Variants in AGBL4 observed in about 807,000 individuals in gnomAD.
AGBL4 encodes the protein cytosolic carboxypeptidase 6.
AGBL4 carries 58 observed loss-of-function variants against 66.4 expected under a neutral mutation model. That is an observed-to-expected ratio of 0.87 (90% CI 0.71 to 1.09). The LOEUF is 1.09. Among genes scored for constraint, AGBL4 ranks in the 50% least tolerant of loss-of-function variants. The pLI, the probability that AGBL4 is intolerant of heterozygous loss-of-function variation, is 0.00. For missense variants in AGBL4, 579 were observed against 631.0 expected (o/e 0.92, Z 0.88); for synonymous variants, 234 against 222.9 (o/e 1.05, Z -0.44).
intron 1 of AGBL4, among the ~76,000 whole-genome samples, chr1:50,013,869 C>A (rs1053574367): frequency 6.6e-6 from 1 of 152,306 alleles, no homozygotes; most frequent in African/African-American, 2.4e-5. Flanking sequence ...TTAGTGAAGA[C>A]AGTTTCTCCT....
chr1:48,895,294 A>G (rs1570944004), intron 5 of AGBL4, among the ~76,000 whole-genome samples: 1 of 152,246 alleles, frequency 6.6e-6, no homozygotes. Context: ...ACCGTCAGGC[A>G]TGGGCCAGCC....
chr1:49,000,418 G>A (rs1487763616), intron 5 of AGBL4, among the ~76,000 whole-genome samples: 1 of 152,150 alleles, frequency 6.6e-6, no homozygotes, highest in Non-Finnish European at 1.5e-5. Flanking sequence ...GGAAGATGAG[G>A]ATACAACCTT....
intron 1 of AGBL4, among the ~76,000 whole-genome samples, chr1:49,950,028 G>A (rs1447137507): frequency 1.4e-5 from 2 of 139,026 alleles, no homozygotes; most frequent in Admixed American, 7.2e-5. Flanking sequence ...ATATGTGTGT[G>A]TGTGTATATA....
At chr1:48,848,704 T>C (rs1362821192) in intron 6 of AGBL4, among the ~76,000 whole-genome samples, 1 of 152,210 alleles carries the variant, frequency 6.6e-6, no homozygotes, top group Non-Finnish European at 1.5e-5. Flanking sequence ...AATCCTGCAT[T>C]CTTTGGGCAC....
chr1:49,845,186 T>C (rs1646106167), intron 2 of AGBL4: 6 of 1,432,824 alleles, frequency 4.2e-6, no homozygotes, highest in Middle Eastern at 3.5e-4. Flanking sequence ...GGAAAAGTCT[T>C]CCGAAACAGC....
chr1:48,586,634 C>G (rs898271984), intron 11 of AGBL4: 2 of 245,200 alleles, frequency 8.2e-6, no homozygotes, highest in Non-Finnish European at 1.6e-5. Context: ...TCAAGATCAT[C>G]AAGCTCTTCC....
intron 3 of AGBL4, among the ~76,000 whole-genome samples, chr1:49,353,924 C>T (rs1293497982): frequency 6.6e-6 from 1 of 152,122 alleles, no homozygotes; most frequent in African/African-American, 2.4e-5. Context: ...TGAGAGCCAC[C>T]TCCATCACTC....
chr1:49,483,551 G>C (rs1415336081), intron 3 of AGBL4, among the ~76,000 whole-genome samples: 1 of 151,620 alleles, frequency 6.6e-6, no homozygotes, highest in East Asian at 1.9e-4. Context: ...TATCCATATG[G>C]AAAAGAAGAA....
rs150194018 is a variant in AGBL4, at chr1:49,567,220, A to C, written c.282+130093T>G. Among the ~76,000 whole-genome samples the C allele has an allele frequency of 8.0e-3, 1,220 of 152,322 alleles. 9 individuals are homozygous for C. Among genetic ancestry groups the C allele is most frequent in the Middle Eastern group, 0.031 (9 of 294 alleles). On this transcript the variant is annotated intron_variant, in intron 3 of 13. Coordinates refer to ENST00000371839, the MANE Select transcript of AGBL4 (RefSeq NM_032785.4). ...CTGTCACCCCTTTCTTTGACTAGGAAAGGGAATTCCCTGACCCCTTGCACT... is the reference window on the plus strand; with the variant it reads ...CTGTCACCCCTTTCTTTGACTAGGACAGGGAATTCCCTGACCCCTTGCACT...
At chr1:49,618,001 C>T (rs947097977) in intron 3 of AGBL4, among the ~76,000 whole-genome samples, 9 of 152,304 alleles carry the variant, frequency 5.9e-5, no homozygotes, top group Admixed American at 5.2e-4. Context: ...CTATCCCTCC[C>T]CCAGCCTCCC....
rs1644057305 is a variant in AGBL4 at position 49,271,516 on chromosome 1, G to GCACACACACACACACACAAA, written c.283-25653_283-25652insTTTGTGTGTGTGTGTGTGTG. ...TCAAAGTCAACTCAATTAAAAGATA[G>GCACACACACACACACACAAA]CACACACACACACACACACACACAC... On this transcript the variant is annotated intron_variant, in intron 3 of 13. Coordinates refer to ENST00000371839, the MANE Select transcript of AGBL4 (RefSeq NM_032785.4). Among the ~76,000 whole-genome samples the GCACACACACACACACACAAA allele has an allele frequency of 2.1e-5, 3 of 144,298 alleles. No homozygotes were observed. In the South Asian group the frequency reaches 6.8e-4, roughly 33 times the overall value. 94.7% of individuals were successfully genotyped at this position (144,298 alleles called of 152,430 possible).
At chr1:49,790,380 A>AG (rs1557449385) in intron 2 of AGBL4, among the ~76,000 whole-genome samples, 3 of 151,596 alleles carry the variant, frequency 2.0e-5, no homozygotes, top group African/African-American at 7.3e-5. Context: ...AAAAAAAAAA[A>AG]AAGAAGCTCA....
chr1:49,827,514 T>A (rs1409873687), intron 2 of AGBL4, among the ~76,000 whole-genome samples: 1 of 152,140 alleles, frequency 6.6e-6, no homozygotes, highest in African/African-American at 2.4e-5. Context: ...CACAATCGGA[T>A]AGTTTAAAAT....
chr1:48,927,018 C>G (rs182647889), intron 5 of AGBL4, among the ~76,000 whole-genome samples: 99 of 152,026 alleles, frequency 6.5e-4, no homozygotes, highest in South Asian at 2.1e-3. Context: ...TGATTTTTTT[C>G]CTTTATTACC....
In AGBL4 at chr1:49,656,145, T is replaced by C. The variant is rs890085285; in HGVS notation, c.282+41168A>G. ...CTGGGCGACAGAGTGAGACTCCGTCTCAAAAAAAAAAAAAATGATAAAGGG... is the reference window on the plus strand; with the variant it reads ...CTGGGCGACAGAGTGAGACTCCGTCCCAAAAAAAAAAAAAATGATAAAGGG... On this transcript the variant is annotated intron_variant, in intron 3 of 13. Transcript: ENST00000371839. Among the ~76,000 whole-genome samples the C allele has an allele frequency of 1.3e-4, 18 of 142,924 alleles. No homozygotes were observed. The East Asian group carries it at 3.7e-3, about 29-fold the overall frequency. 93.8% of individuals were successfully genotyped at this position (142,924 alleles called of 152,430 possible).
At chr1:48,946,396 C>A (rs375168812) in intron 5 of AGBL4, among the ~76,000 whole-genome samples, 1 of 152,190 alleles carries the variant, frequency 6.6e-6, no homozygotes, top group African/African-American at 2.4e-5. Context: ...TACTTAGTGA[C>A]AGCTTGATCG....
intron 3 of AGBL4, among the ~76,000 whole-genome samples, chr1:49,642,162 G>A (rs1445219288): frequency 6.6e-6 from 1 of 151,936 alleles, no homozygotes; most frequent in Non-Finnish European, 1.5e-5. Context: ...GGAAAAAAAG[G>A]TTTTAAAATT....
intron 6 of AGBL4, among the ~76,000 whole-genome samples, chr1:48,707,598 A>G (rs1646901314): frequency 6.6e-6 from 1 of 152,184 alleles, no homozygotes; most frequent in South Asian, 2.1e-4. Flanking sequence ...AGTGACAAAG[A>G]CTAATCTTCA....
intron 1 of AGBL4, among the ~76,000 whole-genome samples, chr1:50,007,780 A>T (rs958667050): frequency 2.0e-5 from 3 of 152,208 alleles, no homozygotes; most frequent in African/African-American, 4.8e-5. Flanking sequence ...AAAGGGAAAA[A>T]GAAACACACT....
Sources: allele counts gnomAD v4.1 joint callset (sites outside exome capture counted in the v4.1 genomes callset), GRCh38; gene constraint gnomAD v4.1.1; transcripts MANE v1.5; gene names NCBI Gene and HGNC (gene_info 2026-07-23, HGNC 2026-07-21).